The following ZNF586 variants were observed in gnomAD, a reference collection of about 807,000 sequenced individuals.
The protein encoded by ZNF586 is zinc finger protein 586.
In ZNF586, 7 loss-of-function variants were observed where a neutral mutation model predicts 6.7. The ratio of observed to expected loss-of-function variants is 1.04; its 90% CI spans 0.59 to 1.95. ZNF586 has a LOEUF of 1.95. Among genes scored for constraint, ZNF586 ranks in the 30% most tolerant of loss-of-function variants. The probability of loss-of-function intolerance (pLI) is 0.00; values close to 1 mark genes in which losing one functional copy is unlikely to be tolerated. For missense variants in ZNF586, 442 were observed against 489.6 expected, an observed-to-expected ratio of 0.90 and a Z score of 0.92; for synonymous variants, 166 against 168.7, an observed-to-expected ratio of 0.98 and a Z score of 0.12.
chr19:57,769,897 G>C lies in ZNF586; in HGVS notation c.36+19G>C, dbSNP rs1465502491. ...TGCTCAGGTGAGCGCTGCGACCTCC[G>C]GGCCTTACCCACCCTACCCACCCAG... On this transcript the variant is annotated intron_variant, in intron 1 of 2. Coordinates refer to ENST00000396154, the MANE Select transcript of ZNF586 (RefSeq NM_017652.4). 2.0e-6 allele frequency: 3 copies of C among 1,531,292 alleles called. No homozygotes were observed. The highest frequency in any genetic ancestry group is 1.4e-5 in the African/African-American group (1 of 71,792). 94.9% of individuals were successfully genotyped at this position (1,531,292 alleles called of 1,614,324 possible).
At chr19:57,770,093 G>C (rs1987053536) in intron 1 of ZNF586, among the ~76,000 whole-genome samples, 1 of 152,172 alleles carries the variant, frequency 6.6e-6, no homozygotes, top group Non-Finnish European at 1.5e-5. Context: ...GACTGAGGCA[G>C]GAGGATGCGG....
intron 1 of ZNF586, among the ~76,000 whole-genome samples, chr19:57,776,300 G>A (rs1045109466): frequency 1.3e-5 from 2 of 152,144 alleles, no homozygotes; most frequent in Non-Finnish European, 2.9e-5. Flanking sequence ...GGAGAGGATG[G>A]AACCCTTTAT....
intron 1 of ZNF586, among the ~76,000 whole-genome samples, chr19:57,773,402 C>CTT (rs35585717): frequency 0.018 from 1,666 of 92,736 alleles, 49 homozygotes; most frequent in African/African-American, 0.044. Context: ...TCTTCTTCTT[C>CTT]TTTTTTTTTT....
In ZNF586 at chr19:57,769,825, C is replaced by CT; in HGVS notation, c.-18_-17insT. On this transcript the variant is annotated 5_prime_UTR_variant, in exon 1 of 3. Transcript: ENST00000396154. ...ACAGGAACACCGCCGAGCCCGCGTT[C>CT]CCCCCCCGCCCAGAGTCATGGCGGC... 6.9e-7 allele frequency: 1 copy of CT among 1,442,852 alleles called. No homozygotes were observed. The highest frequency in any genetic ancestry group is 9.2e-7 in the Non-Finnish European group (1 of 1,088,920). The allele number at this position is 1,442,852 out of a possible 1,614,324, so 89.4% of individuals were successfully genotyped here.
At chr19:57,770,157 C>CTTT (rs56139513) in intron 1 of ZNF586, among the ~76,000 whole-genome samples, 17,265 of 128,072 alleles carry the variant, frequency 0.13, 1,781 homozygotes, top group Non-Finnish European at 0.18. Flanking sequence ...GGAGTTATTT[C>CTTT]TTTTTTTTTT....
chr19:57,771,509 C>T (rs1001195669), intron 1 of ZNF586, among the ~76,000 whole-genome samples: 1 of 152,098 alleles, frequency 6.6e-6, no homozygotes, highest in African/African-American at 2.4e-5. Context: ...AAACCCCAAA[C>T]CTACATCAGT....
At chr19:57,776,398 CAGTGGCACT>C in intron 1 of ZNF586, 136 bp from the exon 2 acceptor site, 1 of 812,336 alleles carries the variant, frequency 1.2e-6, no homozygotes, top group Non-Finnish European at 2.0e-6. Context: ...CATGAGGACA[CAGTGGCACT>C]AGTGGGCAAA....
chr19:57,777,321 T>C (rs2122562818), intron 2 of ZNF586, among the ~76,000 whole-genome samples: 1 of 152,316 alleles, frequency 6.6e-6, no homozygotes, highest in East Asian at 1.9e-4. Context: ...ATTTTTCCCT[T>C]AGTACTTACA....
At chr19:57,772,343 A>G (rs1600078165) in intron 1 of ZNF586, among the ~76,000 whole-genome samples, 1 of 152,270 alleles carries the variant, frequency 6.6e-6, no homozygotes, top group Non-Finnish European at 1.5e-5. Context: ...CCCCACAACA[A>G]TCAACACAGA....
At chr19:57,776,848 A>C (rs1276582218) in intron 2 of ZNF586, among the ~76,000 whole-genome samples, 179 bp downstream of exon 2, 1 of 151,918 alleles carries the variant, frequency 6.6e-6, no homozygotes, top group Non-Finnish European at 1.5e-5. Flanking sequence ...AGCAGCCCCA[A>C]CCTGCTTTGT....
rs754941564 is a variant in ZNF586 at position 57,779,670 on chromosome 19, TA to T, written c.1086del (p.Lys362AsnfsTer3). On this transcript the variant is annotated frameshift_variant, in exon 3 of 3. Transcript: ENST00000396154. LOFTEE classifies it low-confidence loss of function (END_TRUNC). ...CCTTTGCTGAAAACTCCAGCCTTAT[TA>T]AACACTTGAGAGTTCACACTGGAGA... ...KSFAENSSLI[K>X]HLRVHTGERP... is the part of the protein sequence containing the mutation. 3.7e-6 allele frequency: 6 copies of T among 1,613,816 alleles called. No homozygotes were observed. In the Admixed American group the frequency reaches 8.3e-5, roughly 22 times the overall value.
rs1326054632 is a variant in ZNF586 at position 57,775,667 on chromosome 19, A to C, written c.37-876A>C. On this transcript the variant is annotated intron_variant, in intron 1 of 2. Coordinates refer to ENST00000396154, the MANE Select transcript of ZNF586 (RefSeq NM_017652.4). ...GCCCAGGCTAGAGTGCAGTGGTGCC[A>C]TCTAGGCTCACTGCAACCTCCATCT... Among the ~76,000 whole-genome samples, 3 of 137,546 alleles carry C rather than the reference A, an allele frequency of 2.2e-5. No individual in the cohort carries two copies. In the East Asian group the frequency reaches 6.4e-4, roughly 30 times the overall value. 90.2% of individuals were successfully genotyped at this position (137,546 alleles called of 152,430 possible). A position where few individuals can be genotyped will look rare whatever the true frequency, so the allele number is the denominator to read the frequency against.
At chr19:57,770,540 C>A (rs928428979) in intron 1 of ZNF586, among the ~76,000 whole-genome samples, 1 of 152,162 alleles carries the variant, frequency 6.6e-6, no homozygotes, top group Non-Finnish European at 1.5e-5. Context: ...TTGCGATTCC[C>A]AAAAGATGTT....
Position 57,779,461 on chromosome 19 carries a change from T to C in ZNF586, c.874T>C (p.Cys292Arg), listed in dbSNP as rs752549450. The change falls in exon 3 of 3, where the codon TGT (cysteine) becomes CGT (arginine). Residue 292 changes from cysteine to arginine, a missense_variant. Cys to Arg is a radical substitution (Grantham distance 180). Transcript: ENST00000396154. ...RVHTRERPYECSECGKSFSLR... is the reference protein window; with the variant it reads ...RVHTRERPYERSECGKSFSLR... ...TCACACTAGAGAAAGGCCTTATGAA[T>C]GTAGTGAATGTGGGAAATCCTTTAG... The C allele has an allele frequency of 1.9e-6, 3 of 1,614,144 alleles. No individual in the cohort carries two copies. Among genetic ancestry groups the C allele is most frequent in the Non-Finnish European group, 2.5e-6 (3 of 1,180,032 alleles).
At chr19:57,772,500 T>TTA (rs59965265) in intron 1 of ZNF586, among the ~76,000 whole-genome samples, 1 of 19,574 alleles carries the variant, frequency 5.1e-5, no homozygotes, top group African/African-American at 7.4e-4. Context: ...CCCCAGGATG[T>TTA]TTTTTTTTTT....
Position 57,779,493 on chromosome 19 carries a change from G to A in ZNF586, c.906G>A (p.Arg302=), listed in dbSNP as rs375052379. The A allele has an allele frequency of 3.1e-6, 5 of 1,613,820 alleles. No individual in the cohort carries two copies. Among genetic ancestry groups the A allele is most frequent in the East Asian group, 4.5e-5 (2 of 44,878 alleles). The part of the protein sequence containing the change: ...CSECGKSFSL[R]SNLIHHQRVH... ...AATGTGGGAAATCCTTTAGCTTAAG[G>A]TCCAACCTCATTCACCATCAGCGAG... The change falls in exon 3 of 3, where the codon AGG becomes AGA. Residue 302 remains arginine, a synonymous_variant. Transcript: ENST00000396154.
In ZNF586 at chr19:57,778,839, AG is replaced by A. The variant is rs1213011908; in HGVS notation, c.253del (p.Glu85LysfsTer169). ...IYKDQGGHSG[E>X]RPYECGEYRK... ...ACAAAGACCAGGGAGGTCATAGTGGAGAAAGGCCTTATGAGTGTGGGGAATA... is the reference window on the plus strand; with the variant it reads ...ACAAAGACCAGGGAGGTCATAGTGGAAAAGGCCTTATGAGTGTGGGGAATA... On this transcript the variant is annotated frameshift_variant, in exon 3 of 3. Coordinates refer to ENST00000396154, the MANE Select transcript of ZNF586 (RefSeq NM_017652.4). LOFTEE classifies it low-confidence loss of function (END_TRUNC). 6.2e-7 allele frequency: 1 copy of A among 1,614,232 alleles called. No homozygotes were observed. Among genetic ancestry groups the A allele is most frequent in the Non-Finnish European group, 8.5e-7 (1 of 1,180,050 alleles).
Position 57,769,754 on chromosome 19 carries a change from C to T in ZNF586, c.-89C>T, listed in dbSNP as rs1987039543. 4 of 1,375,656 alleles carry T rather than the reference C, an allele frequency of 2.9e-6. No homozygotes were observed. The highest frequency in any genetic ancestry group is 4.0e-6 in the Non-Finnish European group (4 of 995,282). The allele number at this position is 1,375,656 out of a possible 1,614,324, so 85.2% of individuals were successfully genotyped here. ...TTGTGGCCATTGCACACAGGCGGAT[C>T]TGAGGTTCGGCGACGCCGCTGGTCG... On this transcript the variant is annotated 5_prime_UTR_variant, in exon 1 of 3. Coordinates refer to ENST00000396154, the MANE Select transcript of ZNF586 (RefSeq NM_017652.4).
intron 1 of ZNF586, among the ~76,000 whole-genome samples, chr19:57,774,298 G>A (rs1053040655): frequency 8.6e-5 from 13 of 150,332 alleles, no homozygotes; most frequent in Admixed American, 2.7e-4. Context: ...TGAGGTGGGC[G>A]GATCACTTGA....
Sources: allele counts gnomAD v4.1 joint callset (sites outside exome capture counted in the v4.1 genomes callset), GRCh38; gene constraint gnomAD v4.1.1; transcripts MANE v1.5; gene names NCBI Gene and HGNC (gene_info 2026-07-23, HGNC 2026-07-21).